The following ING3 variants were observed in gnomAD, a reference collection of about 807,000 sequenced individuals.
The protein encoded by ING3 is inhibitor of growth family member 3.
Under a neutral mutation model 64.8 loss-of-function variants are expected in ING3, and 6 were observed. The ratio of observed to expected loss-of-function variants is 0.09; its 90% CI spans 0.05 to 0.18. ING3 has a LOEUF of 0.18. Among genes scored for constraint, ING3 ranks in the 10% least tolerant of loss-of-function variants. ING3 has a pLI of 1.00. For missense variants in ING3, 310 were observed against 489.7 expected, an observed-to-expected ratio of 0.63 and a Z score of 3.46; for synonymous variants, 170 against 173.7, an observed-to-expected ratio of 0.98 and a Z score of 0.17.
In ING3 at chr7:120,966,663, C is replaced by T; in HGVS notation, c.402C>T (p.Asn134=). The change falls in exon 6 of 12, where the codon AAC becomes AAT. Residue 134 remains asparagine, a synonymous_variant. Coordinates refer to ENST00000315870, the MANE Select transcript of ING3 (RefSeq NM_019071.3). ...LELDTPSQPV[N]NHHAHSHTPV... ...TAGACACTCCTTCACAGCCAGTGAA[C>T]AATCACCATGCTCATTCACATACTC... The T allele has an allele frequency of 6.2e-7, 1 of 1,613,666 alleles. No individual in the cohort carries two copies. The highest frequency in any genetic ancestry group is 1.1e-5 in the South Asian group (1 of 91,072).
chr7:120,955,589 G>A lies in ING3; in HGVS notation c.232G>A (p.Glu78Lys). ...DYYKALEDAD[E>K]KVQLANQIYD... Reference sequence around the variant, plus strand: ...CTATAAAGCTTTGGAAGATGCAGATGAGAAGGTTCAGTTGGCAAACCAGAT... The same window carrying A: ...CTATAAAGCTTTGGAAGATGCAGATAAGAAGGTTCAGTTGGCAAACCAGAT... Residue 78 changes from glutamate to lysine, a missense_variant, in exon 4 of 12, where the codon GAG becomes AAG. Physicochemically the swap from Glu to Lys is moderately conservative, Grantham distance 56. Around this residue, in one of 3 missense-constraint regions of ING3, gnomAD observed 53 missense variants for 116.2 expected, o/e 0.46. Coordinates refer to ENST00000315870, the MANE Select transcript of ING3 (RefSeq NM_019071.3). The A allele has an allele frequency of 1.2e-6, 2 of 1,612,032 alleles. No individual in the cohort carries two copies. Among genetic ancestry groups the A allele is most frequent in the Non-Finnish European group, 1.7e-6 (2 of 1,178,156 alleles).
chr7:120,974,390 A>G (rs773233679), intron 11 of ING3, among the ~76,000 whole-genome samples: 1 of 152,178 alleles, frequency 6.6e-6, no homozygotes, highest in African/African-American at 2.4e-5. Flanking sequence ...TAAAATCTTA[A>G]GTTATATTTA....
chr7:120,951,014 G>T, intron 1 of ING3, 90 bp downstream of exon 1: 1 of 1,490,382 alleles, frequency 6.7e-7, no homozygotes, highest in Non-Finnish European at 9.3e-7. Context: ...CGGGAGGGAG[G>T]GGGCGGCGGG....
chr7:120,958,426 A>G (rs575947581), intron 4 of ING3, among the ~76,000 whole-genome samples: 2 of 152,162 alleles, frequency 1.3e-5, no homozygotes, highest in South Asian at 2.1e-4. Flanking sequence ...CTCTGTTGCA[A>G]TCATCTTATA....
intron 3 of ING3, 116 bp from the exon 4 acceptor site, chr7:120,955,443 C>T (rs547434194): frequency 2.8e-6 from 2 of 709,460 alleles, no homozygotes; most frequent in Non-Finnish European, 4.6e-6. Flanking sequence ...TTTTTTATTA[C>T]TAAGGTAGGA....
chr7:120,973,089 T>A, intron 10 of ING3, 116 bp from the exon 11 acceptor site: 1 of 462,948 alleles, frequency 2.2e-6, no homozygotes. Flanking sequence ...CTCAATGTAA[T>A]TGTATATTCA....
intron 4 of ING3, among the ~76,000 whole-genome samples, chr7:120,959,037 G>A (rs1031001538): frequency 2.0e-5 from 3 of 152,084 alleles, no homozygotes; most frequent in Non-Finnish European, 2.9e-5. Flanking sequence ...ATTGCCATTC[G>A]TTTTGTCTTG....
At chr7:120,953,271 C>T (rs568647960) in intron 2 of ING3, 33 bp from the exon 3 acceptor site, 1 of 1,311,506 alleles carries the variant, frequency 7.6e-7, no homozygotes, top group Non-Finnish European at 1.1e-6. Context: ...TGAATTTGGT[C>T]ATTTAATATG....
chr7:120,972,668 C>T (rs1796084161), intron 10 of ING3, among the ~76,000 whole-genome samples: 1 of 151,996 alleles, frequency 6.6e-6, no homozygotes, highest in Non-Finnish European at 1.5e-5. Flanking sequence ...GAAGATATGC[C>T]ATCTAGTTAA....
intron 5 of ING3, 125 bp from the exon 6 acceptor site, chr7:120,966,501 G>A (rs1795998755): frequency 1.3e-6 from 1 of 775,658 alleles, no homozygotes; most frequent in South Asian, 1.4e-5. Flanking sequence ...ATAAATACAG[G>A]CATATGCATC....
At chr7:120,974,211 T>A (rs1489961596) in intron 11 of ING3, among the ~76,000 whole-genome samples, 2 of 150,882 alleles carry the variant, frequency 1.3e-5, no homozygotes, top group Non-Finnish European at 3.0e-5. Flanking sequence ...AAGACTTTCA[T>A]GAAAGAGTTT....
At chr7:120,957,555 GTTACTTACTGATTTC>G (rs1795868113) in intron 4 of ING3, among the ~76,000 whole-genome samples, 1 of 152,138 alleles carries the variant, frequency 6.6e-6, no homozygotes, top group African/African-American at 2.4e-5. Context: ...GTCATGCAGA[GTTACTTACTGATTTC>G]TTAGAGGGTA....
intron 4 of ING3, among the ~76,000 whole-genome samples, chr7:120,961,493 A>T (rs1320710876): frequency 1.3e-5 from 2 of 152,212 alleles, no homozygotes; most frequent in African/African-American, 4.8e-5. Context: ...TAGAGACTTT[A>T]AAAAAGCTGT....
intron 5 of ING3, among the ~76,000 whole-genome samples, chr7:120,966,415 G>A (rs1010567417): frequency 3.3e-5 from 5 of 152,148 alleles, no homozygotes; most frequent in Non-Finnish European, 7.4e-5. Flanking sequence ...ATTGGGAAAA[G>A]GATAACTTAT....
chr7:120,966,841 T>G, intron 6 of ING3, 144 bp downstream of exon 6: 1 of 664,918 alleles, frequency 1.5e-6, no homozygotes, highest in Non-Finnish European at 2.6e-6. Flanking sequence ...GGCAGACTTG[T>G]CTTTTTCCTT....
At chr7:120,971,216 G>A (rs1796066099) in intron 10 of ING3, among the ~76,000 whole-genome samples, 1 of 152,172 alleles carries the variant, frequency 6.6e-6, no homozygotes, top group Non-Finnish European at 1.5e-5. Flanking sequence ...TGAAGGCTGG[G>A]AAGTCCAAGA....
At chr7:120,968,905 T>A in intron 8 of ING3, 106 bp from the exon 9 acceptor site, 18 of 525,282 alleles carry the variant, frequency 3.4e-5, no homozygotes, top group Admixed American at 6.8e-5. Context: ...TTAAACAATA[T>A]AAATTAACAT....
chr7:120,961,985 A>G (rs1395698918), intron 4 of ING3, among the ~76,000 whole-genome samples: 1 of 152,204 alleles, frequency 6.6e-6, no homozygotes, highest in Non-Finnish European at 1.5e-5. Flanking sequence ...AGGGTGAGGT[A>G]ACTTACATCC....
chr7:120,966,848 C>T (rs1796003011), intron 6 of ING3, 151 bp downstream of exon 6: 1 of 652,642 alleles, frequency 1.5e-6, no homozygotes, highest in Admixed American at 2.6e-5. Flanking sequence ...TTGTCTTTTT[C>T]CTTGGGGGGA....
Sources: gnomAD v4.1 joint callset for allele counts (sites outside exome capture counted in the v4.1 genomes callset) on GRCh38, gnomAD v4.1.1 for gene constraint, gnomAD v4.1.1 regional missense constraint, MANE v1.5 for transcripts, NCBI Gene and HGNC (gene_info 2026-07-23, HGNC 2026-07-21) for gene names.